OSBPL10: variants seen among roughly 807,000 people sequenced by gnomAD.
OSBPL10 encodes the protein oxysterol-binding protein-related protein 10.
In OSBPL10, 49 loss-of-function variants were observed where a neutral mutation model predicts 81.7. The ratio of observed to expected loss-of-function variants is 0.60; its 90% CI spans 0.48 to 0.76. The LOEUF (loss-of-function observed/expected upper bound fraction) is 0.76, where lower values mean the gene tolerates loss of function less well. Among genes scored for constraint, OSBPL10 ranks in the 30% least tolerant of loss-of-function variants. The pLI, the probability that OSBPL10 is intolerant of heterozygous loss-of-function variation, is 0.00. For missense variants in OSBPL10, 923 were observed against 987.8 expected (o/e 0.93, Z 0.88); for synonymous variants, 419 against 383.6 (o/e 1.09, Z -1.08).
intron 2 of OSBPL10, among the ~76,000 whole-genome samples, chr3:31,992,354 T>C (rs1002615626): frequency 6.6e-6 from 1 of 152,198 alleles, no homozygotes; most frequent in Non-Finnish European, 1.5e-5. Context: ...GTGGTTATTA[T>C]AAAACAATAC....
intron 3 of OSBPL10, 131 bp from the exon 4 acceptor site, chr3:31,830,362 G>A (rs1305400088): frequency 3.3e-6 from 3 of 915,148 alleles, no homozygotes; most frequent in African/African-American, 1.7e-5. Context: ...TATGAAGGAG[G>A]TATAACAACA....
chr3:31,837,554 T>C (rs1700391056), intron 3 of OSBPL10, among the ~76,000 whole-genome samples: 1 of 151,244 alleles, frequency 6.6e-6, no homozygotes, highest in Non-Finnish European at 1.5e-5. Flanking sequence ...CCTTTTAATA[T>C]TAGAAACAAG....
chr3:31,857,883 GGAGAGA>G (rs950115679), intron 3 of OSBPL10, among the ~76,000 whole-genome samples: 1 of 143,770 alleles, frequency 7.0e-6, no homozygotes, highest in Non-Finnish European at 1.5e-5. Flanking sequence ...GGAAAGGGGG[GGAGAGA>G]GAGAGAAAGA....
intron 2 of OSBPL10, among the ~76,000 whole-genome samples, chr3:32,007,190 A>G (rs966927629): frequency 6.6e-6 from 1 of 152,170 alleles, no homozygotes; most frequent in Admixed American, 6.5e-5. Context: ...TTATGTCCAT[A>G]TGCTTTGCCT....
At chr3:31,998,771 G>T (rs976058809) in intron 2 of OSBPL10, among the ~76,000 whole-genome samples, 12 of 152,134 alleles carry the variant, frequency 7.9e-5, no homozygotes, top group African/African-American at 2.9e-4. Context: ...ATAGATCCAC[G>T]TCTATTGGTT....
intron 3 of OSBPL10, among the ~76,000 whole-genome samples, chr3:31,870,736 C>T (rs916990397): frequency 1.3e-5 from 2 of 152,198 alleles, no homozygotes; most frequent in East Asian, 3.9e-4. Context: ...ACTCTGTATT[C>T]TAGCTGCTCT....
intron 1 of OSBPL10, among the ~76,000 whole-genome samples, chr3:31,940,238 C>A (rs892627428): frequency 1.3e-5 from 2 of 152,340 alleles, no homozygotes; most frequent in Admixed American, 1.3e-4. Flanking sequence ...CACTACTCAG[C>A]AATGAAAAGG....
upstream of OSBPL10, among the ~76,000 whole-genome samples, chr3:31,984,710 T>C (rs1182826492): frequency 6.6e-6 from 1 of 152,186 alleles, no homozygotes; most frequent in African/African-American, 2.4e-5. Context: ...CTGTGGCCTT[T>C]CATTAGTTTT....
chr3:31,705,372 A>ACCCCCCCCCCCCCC (rs3840254), intron 6 of OSBPL10, among the ~76,000 whole-genome samples: 17 of 130,558 alleles, frequency 1.3e-4, no homozygotes, highest in Admixed American at 3.1e-4. Flanking sequence ...CAAAGAGAAG[A>ACCCCCCCCCCCCCC]CCCCCCCCCC....
chr3:31,896,928 T>C (rs11721043), intron 1 of OSBPL10, among the ~76,000 whole-genome samples: 19,091 of 152,062 alleles, frequency 0.13, 1,797 homozygotes, highest in African/African-American at 0.26. Flanking sequence ...CCACGTCATC[T>C]CATCTAGGGA....
At chr3:31,732,115 A>AACTT (rs1356811651) in intron 6 of OSBPL10, among the ~76,000 whole-genome samples, 1 of 152,202 alleles carries the variant, frequency 6.6e-6, no homozygotes, top group African/African-American at 2.4e-5. Flanking sequence ...CACGGTTGCC[A>AACTT]ACTTACCTTC....
chr3:31,999,037 T>C (rs1699118928), intron 2 of OSBPL10, among the ~76,000 whole-genome samples: 1 of 152,194 alleles, frequency 6.6e-6, no homozygotes, highest in East Asian at 1.9e-4. Flanking sequence ...ATTTACAAAT[T>C]TGTATCAGCC....
At chr3:31,791,056 G>A (rs1698995462) in intron 4 of OSBPL10, among the ~76,000 whole-genome samples, 1 of 151,654 alleles carries the variant, frequency 6.6e-6, no homozygotes, top group African/African-American at 2.4e-5. Flanking sequence ...TTTGATTCTG[G>A]TCCACTTGAA....
At chr3:32,010,050 G>GT (rs1275653983) in intron 2 of OSBPL10, among the ~76,000 whole-genome samples, 3 of 152,134 alleles carry the variant, frequency 2.0e-5, no homozygotes, top group Non-Finnish European at 4.4e-5. Context: ...AGTTGTAACG[G>GT]TAGGGCCCTA....
intron 1 of OSBPL10, among the ~76,000 whole-genome samples, chr3:31,912,067 G>A (rs547580568): frequency 1.3e-5 from 2 of 152,000 alleles, no homozygotes; most frequent in African/African-American, 2.4e-5. Flanking sequence ...ATTTTGTTAT[G>A]TATATTTTAC....
rs188229700 is a variant in OSBPL10 at position 31,722,368 on chromosome 3, T to C, written c.1095+10889A>G. Among the ~76,000 whole-genome samples the C allele has an allele frequency of 1.8e-4, 27 of 152,230 alleles. 1 individual carries two copies. The East Asian group carries it at 5.0e-3, about 28-fold the overall frequency. ...GACCATCAGGAGCACCTGCCCCTCA[T>C]GTCTGCAGGGCACAAGAGTCATCTG... On this transcript the variant is annotated intron_variant, in intron 6 of 11. Coordinates refer to ENST00000396556, the MANE Select transcript of OSBPL10 (RefSeq NM_017784.5).
chr3:31,734,110 C>T (rs1345437209), intron 5 of OSBPL10, among the ~76,000 whole-genome samples: 3 of 152,042 alleles, frequency 2.0e-5, no homozygotes, highest in African/African-American at 7.3e-5. Flanking sequence ...GACACAATGG[C>T]CATGGCTCAG....
chr3:31,906,591 A>G (rs1345352381), intron 1 of OSBPL10, among the ~76,000 whole-genome samples: 6 of 152,146 alleles, frequency 3.9e-5, no homozygotes, highest in African/African-American at 1.4e-4. Flanking sequence ...CAGCTAGCAA[A>G]ATGACCAATT....
intron 1 of OSBPL10, among the ~76,000 whole-genome samples, chr3:31,915,314 G>C (rs1696722710): frequency 6.6e-6 from 1 of 151,968 alleles, no homozygotes; most frequent in African/African-American, 2.4e-5. Flanking sequence ...TGACCTTCAG[G>C]TGTTCATCAC....
Sources: allele counts gnomAD v4.1 joint callset (sites outside exome capture counted in the v4.1 genomes callset), GRCh38; gene constraint gnomAD v4.1.1; transcripts MANE v1.5; gene names NCBI Gene and HGNC (gene_info 2026-07-23, HGNC 2026-07-21).